ANKHD1: variants seen among roughly 807,000 people sequenced by gnomAD.
The protein encoded by ANKHD1 is ankyrin repeat and KH domain containing 1.
A neutral mutation model predicts 230.5 loss-of-function variants in ANKHD1; 31 were observed. The ratio of observed to expected loss-of-function variants is 0.13; its 90% CI spans 0.10 to 0.18. The LOEUF (loss-of-function observed/expected upper bound fraction) is 0.18. Ranked by LOEUF, ANKHD1 falls within the 10% of genes least tolerant of loss-of-function variation. The probability of loss-of-function intolerance (pLI) is 1.00; values close to 1 mark genes in which losing one functional copy is unlikely to be tolerated. For synonymous variants in ANKHD1, 1,074 were observed against 1,117.6 expected (o/e 0.96, Z 0.78); for missense variants, 2,256 against 3,071.3 (o/e 0.73, Z 6.27).
At position 140,504,890 on chromosome 5, in the gene ANKHD1, C is replaced by A; in HGVS notation, c.3074C>A (p.Ser1025Tyr). ...ACCACAGAGTGTCTTACACCTGAAT[C>A]CTGTTCGCAGACTACAAGCAATGTG... ...SQTTECLTPE[S>Y]CSQTTSNVAS... The change falls in exon 16 of 34, where the codon TCC becomes TAC. Residue 1025 changes from serine (S) to tyrosine (Y), a missense_variant. By Grantham distance (144) the Ser-to-Tyr change is moderately radical. Around this residue, in one of 13 missense-constraint regions of ANKHD1, gnomAD observed 358 missense variants for 397.7 expected, o/e 0.90. Coordinates refer to ENST00000360839, the MANE Select transcript of ANKHD1 (RefSeq NM_017747.3). The A allele has an allele frequency of 6.2e-7, 1 of 1,614,170 alleles. No individual in the cohort carries two copies. Among genetic ancestry groups the A allele is most frequent in the Non-Finnish European group, 8.5e-7 (1 of 1,180,028 alleles).
chr5:140,434,785 C>T (rs1028404789), intron 1 of ANKHD1, among the ~76,000 whole-genome samples: 5 of 151,876 alleles, frequency 3.3e-5, no homozygotes, highest in Admixed American at 6.6e-5. Flanking sequence ...ACATGTATTT[C>T]CCAAATTCTG....
chr5:140,412,640 A>G (rs1432233334), intron 1 of ANKHD1, among the ~76,000 whole-genome samples: 1 of 152,236 alleles, frequency 6.6e-6, no homozygotes, highest in African/African-American at 2.4e-5. Flanking sequence ...TTGAAATAGA[A>G]AGGCATATGC....
intron 15 of ANKHD1, among the ~76,000 whole-genome samples, chr5:140,502,523 A>G (rs1308128821): frequency 6.6e-6 from 1 of 152,204 alleles, no homozygotes; most frequent in African/African-American, 2.4e-5. Context: ...CCTGTTTTTC[A>G]TAATAAAGAG....
chr5:140,492,991 T>A (rs1480933780), intron 14 of ANKHD1, among the ~76,000 whole-genome samples: 1 of 152,180 alleles, frequency 6.6e-6, no homozygotes, highest in Non-Finnish European at 1.5e-5. Context: ...TCTAGTTTTG[T>A]TAATGGAGGG....
chr5:140,437,151 A>T (rs1773512697), intron 2 of ANKHD1, among the ~76,000 whole-genome samples: 1 of 152,172 alleles, frequency 6.6e-6, no homozygotes, highest in Non-Finnish European at 1.5e-5. Flanking sequence ...TTCCCCATAT[A>T]ATTTATTGTG....
At chr5:140,417,502 G>A (rs940414023) in intron 1 of ANKHD1, among the ~76,000 whole-genome samples, 7 of 151,956 alleles carry the variant, frequency 4.6e-5, no homozygotes, top group Non-Finnish European at 4.4e-5. Flanking sequence ...AGGCTTGAGT[G>A]TAGTGGCACG....
chr5:140,534,793 T>C (rs1295505095), intron 29 of ANKHD1, among the ~76,000 whole-genome samples: 1 of 152,224 alleles, frequency 6.6e-6, no homozygotes, highest in Non-Finnish European at 1.5e-5. Flanking sequence ...AGTTCAGATT[T>C]ATACAAACTA....
rs995500445 is a variant in ANKHD1, at chr5:140,529,204, G to A, written c.6258G>A (p.Val2086=). The change falls in exon 29 of 34, where the codon GTG becomes GTA. Residue 2086 remains valine (V), a synonymous_variant. Transcript: ENST00000360839. Reference sequence around the variant, plus strand: ...AAGAGGAGGCACAGCCATCCAGTGTGTCTGATTTAAGTCCTATGTCAATGC... The same window carrying A: ...AAGAGGAGGCACAGCCATCCAGTGTATCTGATTTAAGTCCTATGTCAATGC... ...NTQEEAQPSS[V]SDLSPMSMPF... The A allele has an allele frequency of 8.7e-6, 14 of 1,614,070 alleles. No individual in the cohort carries two copies. Among genetic ancestry groups the A allele is most frequent in the Admixed American group, 1.7e-5 (1 of 60,006 alleles).
Position 140,526,826 on chromosome 5 carries a change from A to C in ANKHD1, c.4941-102A>C, listed in dbSNP as rs1313249603. 4 of 1,416,790 alleles carry C rather than the reference A, an allele frequency of 2.8e-6. No homozygotes were observed. In the African/African-American group the frequency reaches 5.8e-5, roughly 21 times the overall value. The allele number at this position is 1,416,790 out of a possible 1,614,324, so 87.8% of individuals were successfully genotyped here. On this transcript the variant is annotated intron_variant, in intron 26 of 33. Coordinates refer to ENST00000360839, the MANE Select transcript of ANKHD1 (RefSeq NM_017747.3). ...TTGATTATTTGATGTGCCAAAGTTT[A>C]ATACGAATATTTCAGCGTAACTCTG...
chr5:140,491,158 A>ATTTTTTT (rs1470465560), intron 14 of ANKHD1, among the ~76,000 whole-genome samples: 1 of 83,412 alleles, frequency 1.2e-5, no homozygotes, highest in African/African-American at 5.3e-5. Flanking sequence ...ATATATATAT[A>ATTTTTTT]TATTTTTTTT....
chr5:140,531,559 A>G (rs1490412836), intron 29 of ANKHD1, among the ~76,000 whole-genome samples: 1 of 152,030 alleles, frequency 6.6e-6, no homozygotes, highest in African/African-American at 2.4e-5. Flanking sequence ...CCAAGCCTGA[A>G]CAAAAGAGCG....
chr5:140,446,715 A>T (rs1428574611), intron 6 of ANKHD1, among the ~76,000 whole-genome samples: 1 of 152,190 alleles, frequency 6.6e-6, no homozygotes, highest in African/African-American at 2.4e-5. Context: ...CCATCTAAAG[A>T]TAAAAAAGCA....
Position 140,438,510 on chromosome 5 carries a change from G to A in ANKHD1, c.510G>A (p.Glu170=), listed in dbSNP as rs750626816. The A allele has an allele frequency of 7.4e-6, 12 of 1,612,978 alleles. No individual in the cohort carries two copies. The highest frequency in any genetic ancestry group is 3.3e-5 in the Admixed American group (2 of 59,888). ...ATGGTAAAGCTTTTGCAGATCCTGAGGTACTCCGGAGACTGACATCCTCAG... is the reference window on the plus strand; with the variant it reads ...ATGGTAAAGCTTTTGCAGATCCTGAAGTACTCCGGAGACTGACATCCTCAG... ...TADGKAFADP[E]VLRRLTSSVS... Residue 170 remains glutamate, a synonymous_variant, in exon 3 of 34, where the codon GAG becomes GAA. Transcript: ENST00000360839.
intron 7 of ANKHD1, among the ~76,000 whole-genome samples, chr5:140,457,387 A>G (rs1300624529): frequency 1.3e-5 from 2 of 152,236 alleles, no homozygotes; most frequent in South Asian, 4.1e-4. Context: ...TCATGCTGCT[A>G]TAAAGACAGA....
Position 140,515,205 on chromosome 5 carries a change from G to C in ANKHD1, c.4317+1726G>C, listed in dbSNP as rs189309831. On this transcript the variant is annotated intron_variant, in intron 24 of 33. Coordinates refer to ENST00000360839, the MANE Select transcript of ANKHD1 (RefSeq NM_017747.3). ...AGGCAGGAGAATTGTTTGAACCCGGGAGGCAGAAGTTGCAGTGAGCTGAGA... is the reference window on the plus strand; with the variant it reads ...AGGCAGGAGAATTGTTTGAACCCGGCAGGCAGAAGTTGCAGTGAGCTGAGA... 3.0e-3 allele frequency among the ~76,000 whole-genome samples: 460 copies of C among 151,116 alleles called. 2 individuals carry two copies. Among genetic ancestry groups the C allele is most frequent in the African/African-American group, 0.011 (443 of 41,132 alleles).
At chr5:140,490,230 C>T (rs144986847) in intron 14 of ANKHD1, among the ~76,000 whole-genome samples, 193 of 152,228 alleles carry the variant, frequency 1.3e-3, no homozygotes, top group African/African-American at 4.5e-3. Flanking sequence ...CCTCTTCCAG[C>T]GATCATCTTT....
Position 140,529,272 on chromosome 5 carries a change from C to T in ANKHD1, c.6326C>T (p.Ser2109Leu). 1 of 1,614,224 alleles carries T rather than the reference C, an allele frequency of 6.2e-7. No individual in the cohort carries two copies. The highest frequency in any genetic ancestry group is 8.5e-7 in the Non-Finnish European group (1 of 1,180,042). ...NSEPAPLTLT[S>L]PRMVAADNQD... ...GAACCTGCTCCATTGACTTTGACAT[C>T]ACCCAGAATGGTTGCTGCTGATAAT... is the stretch of plus-strand genomic sequence containing the variant. The change falls in exon 29 of 34, where the codon TCA (serine) becomes TTA (leucine). Residue 2109 changes from serine (S) to leucine (L), a missense_variant. Transcript: ENST00000360839.
chr5:140,472,380 G>C (rs1384181860), intron 10 of ANKHD1: 1 of 1,569,118 alleles, frequency 6.4e-7, no homozygotes, highest in Non-Finnish European at 8.6e-7. Flanking sequence ...CTGAATTCCA[G>C]CCAAGAAGTT....
At chr5:140,403,498 G>A (rs1444866301) in intron 1 of ANKHD1, among the ~76,000 whole-genome samples, 1 of 151,782 alleles carries the variant, frequency 6.6e-6, no homozygotes. Context: ...TGCAACCTCC[G>A]CCTCCTGGGT....
Sources: gnomAD v4.1 joint callset for allele counts (sites outside exome capture counted in the v4.1 genomes callset) on GRCh38, gnomAD v4.1.1 for gene constraint, gnomAD v4.1.1 regional missense constraint, MANE v1.5 for transcripts, NCBI Gene and HGNC (gene_info 2026-07-23, HGNC 2026-07-21) for gene names.